AFTPH: variants seen among roughly 807,000 people sequenced by gnomAD.
AFTPH encodes aftiphilin protein.
AFTPH carries 7 observed loss-of-function variants against 72.5 expected under a neutral mutation model. The observed-to-expected ratio is 0.10, with a 90% confidence interval of 0.05 to 0.18. The LOEUF (loss-of-function observed/expected upper bound fraction) is 0.18. AFTPH is among the 10% of genes least tolerant of loss of function. The pLI is 1.00. For synonymous variants in AFTPH, 337 were observed against 370.1 expected (o/e 0.91, Z 1.03); for missense variants, 979 against 1,060.5 (o/e 0.92, Z 1.07).
intron 6 of AFTPH, among the ~76,000 whole-genome samples, chr2:64,574,374 T>A (rs1477188685): frequency 6.6e-6 from 1 of 151,962 alleles, no homozygotes; most frequent in East Asian, 1.9e-4. Context: ...CATACCCCCA[T>A]AACCACCCTT....
rs373414372 is a variant in AFTPH at position 64,557,554 on chromosome 2, A to T, written c.1935+4145A>T. Among the ~76,000 whole-genome samples the T allele has an allele frequency of 6.4e-4, 97 of 152,318 alleles. 2 individuals carry two copies. In the South Asian group the frequency reaches 0.02, roughly 31 times the overall value. ...TGGAGTGCAGGTGCAATCTCGGCTC[A>T]CTGCAGCCTATGCCTCCTGAGTTCA... On this transcript the variant is annotated intron_variant, in intron 2 of 8. Transcript: ENST00000238856.
At chr2:64,551,362 A>T in intron 1 of AFTPH, 81 bp from the exon 2 acceptor site, 2 of 1,123,284 alleles carry the variant, frequency 1.8e-6, no homozygotes, top group Non-Finnish European at 2.5e-6. Context: ...GCATTGTTTT[A>T]AAGTAGCTTT....
At chr2:64,547,642 TTTTA>T (rs1452810755) in intron 1 of AFTPH, among the ~76,000 whole-genome samples, 1 of 152,188 alleles carries the variant, frequency 6.6e-6, no homozygotes, top group Non-Finnish European at 1.5e-5. Flanking sequence ...CAGTTTATTA[TTTTA>T]TTTATTGGGT....
At chr2:64,550,020 CT>C (rs1280860736) in intron 1 of AFTPH, among the ~76,000 whole-genome samples, 1 of 152,114 alleles carries the variant, frequency 6.6e-6, no homozygotes, top group Non-Finnish European at 1.5e-5. Context: ...TTGGCAGTTT[CT>C]TATAAAGTTG....
chr2:64,570,686 A>G (rs1050624034), intron 5 of AFTPH, among the ~76,000 whole-genome samples: 1 of 152,188 alleles, frequency 6.6e-6, no homozygotes, highest in Non-Finnish European at 1.5e-5. Context: ...AGGAGTAGCA[A>G]TCCAGAGGTT....
intron 2 of AFTPH, among the ~76,000 whole-genome samples, chr2:64,557,782 A>G (rs946976214): frequency 1.3e-5 from 2 of 152,276 alleles, no homozygotes; most frequent in Non-Finnish European, 2.9e-5. Context: ...GAGAATTAAG[A>G]TGTAAGACTT....
At chr2:64,534,238 A>G (rs534203467) in intron 1 of AFTPH, among the ~76,000 whole-genome samples, 7 of 152,190 alleles carry the variant, frequency 4.6e-5, no homozygotes, top group African/African-American at 7.2e-5. Flanking sequence ...AATCTGAAGC[A>G]TTGATTTATT....
At chr2:64,552,311 G>A in exon 2 of AFTPH, 5 of 1,614,088 alleles carry the variant, frequency 3.1e-6, no homozygotes, top group Non-Finnish European at 4.2e-6. Flanking sequence ...TAAAAGAAGT[G>A]GCTTTGGGTA....
intron 1 of AFTPH, 118 bp from the exon 2 acceptor site, chr2:64,551,325 G>T: frequency 1.3e-6 from 1 of 775,956 alleles, no homozygotes; most frequent in South Asian, 2.1e-5. Context: ...AAGGAAAAAA[G>T]GAGACAAAAT....
At chr2:64,526,638 G>A (rs2103786388) in intron 1 of AFTPH, among the ~76,000 whole-genome samples, 1 of 152,176 alleles carries the variant, frequency 6.6e-6, no homozygotes, top group Admixed American at 6.5e-5. Context: ...ACACTATTTT[G>A]AAAATCTGGC....
intron 2 of AFTPH, among the ~76,000 whole-genome samples, chr2:64,561,681 A>G (rs1393832383): frequency 2.0e-5 from 3 of 152,190 alleles, no homozygotes; most frequent in African/African-American, 7.2e-5. Context: ...CATCTCTTAA[A>G]AAGAAAAAAA....
At chr2:64,556,273 C>G (rs562192926) in intron 2 of AFTPH, among the ~76,000 whole-genome samples, 2 of 152,296 alleles carry the variant, frequency 1.3e-5, no homozygotes, top group South Asian at 4.1e-4. Flanking sequence ...CAGGCGTGAG[C>G]CACCGTGCCT....
intron 2 of AFTPH, among the ~76,000 whole-genome samples, chr2:64,557,143 A>G (rs1286682392): frequency 3.3e-5 from 5 of 152,182 alleles, no homozygotes; most frequent in African/African-American, 1.2e-4. Context: ...TCAGAAAGAA[A>G]TCTTGATTGA....
At chr2:64,572,827 T>C in intron 5 of AFTPH, 119 bp from the exon 6 acceptor site, 1 of 1,366,356 alleles carries the variant, frequency 7.3e-7, no homozygotes, top group Non-Finnish European at 9.9e-7. Context: ...GACTAGTTCC[T>C]TTTTGTCTTC....
intron 8 of AFTPH, among the ~76,000 whole-genome samples, 192 bp from the exon 10 acceptor site, chr2:64,591,695 CT>C (rs1285206161): frequency 6.6e-6 from 1 of 152,114 alleles, no homozygotes; most frequent in African/African-American, 2.4e-5. Flanking sequence ...CCGCACGTCA[CT>C]CTTCATGAGA....
At position 64,555,989 on chromosome 2, in the gene AFTPH, CT is replaced by C. The variant is rs774669104; in HGVS notation, c.1935+2595del. On this transcript the variant is annotated intron_variant, in intron 2 of 8. Transcript: ENST00000238856. ...TGTTTGGAACAGCACGAATTCCTCACTTTTTTTTTTTTTTTGGAGACAGAAT... is the reference window on the plus strand; with the variant it reads ...TGTTTGGAACAGCACGAATTCCTCACTTTTTTTTTTTTTTGGAGACAGAAT... Among the ~76,000 whole-genome samples, 290 of 133,902 alleles carry C rather than the reference CT, an allele frequency of 2.2e-3. 1 individual carries two copies. Among genetic ancestry groups the C allele is most frequent in the Admixed American group, 2.2e-3 (31 of 13,874 alleles). The allele number at this position is 133,902 out of a possible 152,430, so 87.8% of individuals were successfully genotyped here.
rs564500313 is a variant in AFTPH, at chr2:64,527,588, A to T, written c.-33+2976A>T. ...AGAGCAAAACATCATCTCAAAAAAA[A>T]AAAAAGAAATTAAAAGTTTAGGTAT... On this transcript the variant is annotated intron_variant, in intron 1 of 8. Transcript: ENST00000238856. 4.6e-5 allele frequency among the ~76,000 whole-genome samples: 7 copies of T among 152,100 alleles called. No individual in the cohort carries two copies. In the East Asian group the frequency reaches 1.3e-3, roughly 29 times the overall value.
At chr2:64,545,787 G>A (rs1670572923) in intron 1 of AFTPH, among the ~76,000 whole-genome samples, 1 of 151,910 alleles carries the variant, frequency 6.6e-6, no homozygotes, top group Non-Finnish European at 1.5e-5. Flanking sequence ...TGGAGTGGGG[G>A]CAGTTCTGTG....
rs1299799537 is a variant in AFTPH, at chr2:64,584,670, C to T, written c.2456-752C>T. On this transcript the variant is annotated intron_variant, in intron 7 of 8. Coordinates refer to ENST00000238856, the Ensembl canonical transcript of AFTPH. Reference sequence around the variant, plus strand: ...GGAGTGCAGTGGCGTGATCTCGGCTCACTGCAAGCTCCGCCTTCCGGGTTC... The same window carrying T: ...GGAGTGCAGTGGCGTGATCTCGGCTTACTGCAAGCTCCGCCTTCCGGGTTC... Among the ~76,000 whole-genome samples the T allele has an allele frequency of 2.1e-5, 3 of 144,340 alleles. No homozygotes were observed. The South Asian group carries it at 6.5e-4, about 31-fold the overall frequency. The allele number at this position is 144,340 out of a possible 152,430, so 94.7% of individuals were successfully genotyped here. A position where few individuals can be genotyped will look rare whatever the true frequency, so the allele number is the denominator to read the frequency against.
Sources: allele counts gnomAD v4.1 joint callset (sites outside exome capture counted in the v4.1 genomes callset), GRCh38; gene constraint gnomAD v4.1.1; transcripts MANE v1.5; gene names NCBI Gene and HGNC (gene_info 2026-07-23, HGNC 2026-07-21).